NEGR1: variants seen among roughly 807,000 people sequenced by gnomAD.
NEGR1 encodes neuronal growth regulator 1, also known as IgLON family member 4.
NEGR1 carries 10 observed loss-of-function variants against 40.9 expected under a neutral mutation model. That is an observed-to-expected ratio of 0.24 (90% CI 0.15 to 0.42). The LOEUF (loss-of-function observed/expected upper bound fraction) is 0.42. NEGR1 is among the 10% of genes least tolerant of loss of function. NEGR1 has a pLI of 1.00. For synonymous variants in NEGR1, 185 were observed against 166.8 expected (o/e 1.11, Z -0.84); for missense variants, 352 against 438.9 (o/e 0.80, Z 1.77).
At chr1:71,703,224 A>G (rs1653760464) in intron 3 of NEGR1, 1 of 152,176 alleles carries the variant, frequency 6.6e-6, no homozygotes, top group Admixed American at 6.5e-5. Context: ...CCTTAGTTGT[A>G]TGGCTGAATA....
rs537904680 is a variant in NEGR1, at chr1:72,099,873, C to T, written c.177-164562G>A. On this transcript the variant is annotated intron_variant, in intron 1 of 6. Transcript: ENST00000357731. ...AATTTCAATGTATACATTATATATA[C>T]TCTCTCTCTCTCCATATATATATAT... Among the ~76,000 whole-genome samples the T allele has an allele frequency of 6.1e-3, 911 of 150,550 alleles. 13 individuals carry two copies. Among genetic ancestry groups the T allele is most frequent in the African/African-American group, 0.021 (876 of 40,830 alleles).
intron 6 of NEGR1, among the ~76,000 whole-genome samples, chr1:71,522,812 C>G (rs892216271): frequency 6.6e-6 from 1 of 151,314 alleles, no homozygotes; most frequent in Non-Finnish European, 1.5e-5. Flanking sequence ...TCACACGCTC[C>G]TATGTGTGCT....
chr1:71,941,494 T>C (rs946256180), intron 1 of NEGR1, among the ~76,000 whole-genome samples: 1 of 152,154 alleles, frequency 6.6e-6, no homozygotes, highest in African/African-American at 2.4e-5. Flanking sequence ...TAAAATTCTC[T>C]TTTACAACTA....
intron 1 of NEGR1, among the ~76,000 whole-genome samples, chr1:72,247,829 A>G (rs970128515): frequency 6.6e-5 from 10 of 152,178 alleles, no homozygotes; most frequent in African/African-American, 2.2e-4. Flanking sequence ...GAAATACCTG[A>G]GACTGAGTAA....
rs146089013 is a variant in NEGR1, at chr1:71,605,227, T to C, written c.788+5799A>G. Among the ~76,000 whole-genome samples, 396 of 152,312 alleles carry C rather than the reference T, an allele frequency of 2.6e-3. 3 individuals are homozygous for C. The highest frequency in any genetic ancestry group is 8.4e-3 in the African/African-American group (350 of 41,576). ...AATTGACCAATAATAATTTTATATA[T>C]GTATAGGGTATAATGTAGTGTTTTT... On this transcript the variant is annotated intron_variant, in intron 5 of 6. Coordinates refer to ENST00000357731, the MANE Select transcript of NEGR1 (RefSeq NM_173808.3).
intron 6 of NEGR1, among the ~76,000 whole-genome samples, chr1:71,542,064 G>T (rs1238619103): frequency 1.3e-5 from 2 of 151,724 alleles, no homozygotes; most frequent in African/African-American, 4.8e-5. Flanking sequence ...TTACATAATT[G>T]ACACTATTGG....
At chr1:72,070,990 T>C (rs997283870) in intron 1 of NEGR1, among the ~76,000 whole-genome samples, 1 of 152,092 alleles carries the variant, frequency 6.6e-6, no homozygotes, top group Admixed American at 6.6e-5. Context: ...AATCTCTGTT[T>C]GCATTTCTTT....
chr1:71,607,941 C>A (rs921537114), intron 5 of NEGR1, among the ~76,000 whole-genome samples: 1 of 152,166 alleles, frequency 6.6e-6, no homozygotes, highest in South Asian at 2.1e-4. Context: ...CCCGTCTTTG[C>A]CTTCCAAAGT....
intron 6 of NEGR1, among the ~76,000 whole-genome samples, chr1:71,482,317 G>A (rs1371325290): frequency 6.6e-6 from 1 of 151,784 alleles, no homozygotes; most frequent in Non-Finnish European, 1.5e-5. Context: ...CATCTAGCAT[G>A]TATAGAATTT....
intron 3 of NEGR1, among the ~76,000 whole-genome samples, chr1:71,744,451 C>T (rs1289572513): frequency 1.3e-5 from 2 of 151,646 alleles, no homozygotes; most frequent in Non-Finnish European, 2.9e-5. Flanking sequence ...TCCACATATA[C>T]CTATATATCC....
At chr1:72,162,431 A>C (rs1651604246) in intron 1 of NEGR1, among the ~76,000 whole-genome samples, 1 of 152,136 alleles carries the variant, frequency 6.6e-6, no homozygotes, top group Non-Finnish European at 1.5e-5. Context: ...GTGCCACTGC[A>C]CTCCAGCCTA....
rs1214584731 is a variant in NEGR1, at chr1:72,257,338, A to C, written c.176+24981T>G. 5.3e-5 allele frequency among the ~76,000 whole-genome samples: 8 copies of C among 151,278 alleles called. No individual in the cohort carries two copies. In the South Asian group the frequency reaches 1.7e-3, roughly 32 times the overall value. Reference sequence around the variant, plus strand: ...CTCTGTCTCAAAAAAAAAAAAAAAAAAAAAAAGAATAGCACATAACATTTC... The same window carrying C: ...CTCTGTCTCAAAAAAAAAAAAAAAACAAAAAAGAATAGCACATAACATTTC... On this transcript the variant is annotated intron_variant, in intron 1 of 6. Coordinates refer to ENST00000357731, the MANE Select transcript of NEGR1 (RefSeq NM_173808.3).
chr1:72,080,722 A>G (rs1171347166), intron 1 of NEGR1, among the ~76,000 whole-genome samples: 1 of 152,132 alleles, frequency 6.6e-6, no homozygotes, highest in Non-Finnish European at 1.5e-5. Flanking sequence ...AATAAAAATT[A>G]TAAGAGAAAC....
intron 2 of NEGR1, among the ~76,000 whole-genome samples, chr1:71,781,495 A>G (rs1035998286): frequency 6.6e-6 from 1 of 152,180 alleles, no homozygotes; most frequent in African/African-American, 2.4e-5. Context: ...TTAAGCTGTA[A>G]GAGTCCGTGA....
At position 71,935,227 on chromosome 1, in the gene NEGR1, C is replaced by A; in HGVS notation, c.261G>T (p.Val87=). ...ATGTTGAAATTGAAACTCGAGGATCCACTGACCACTTATCACCTCCCGCAA... is the reference window on the plus strand; with the variant it reads ...ATGTTGAAATTGAAACTCGAGGATCAACTGACCACTTATCACCTCCCGCAA... ...IIFAGGDKWS[V]DPRVSISTLN... Residue 87 remains valine, a synonymous_variant, in exon 2 of 7, where the codon GTG becomes GTT. Transcript: ENST00000357731. 1 of 1,613,926 alleles carries A rather than the reference C, an allele frequency of 6.2e-7. No individual in the cohort carries two copies. The highest frequency in any genetic ancestry group is 1.1e-5 in the South Asian group (1 of 91,068).
intron 1 of NEGR1, among the ~76,000 whole-genome samples, chr1:71,981,998 G>A (rs900724519): frequency 2.0e-5 from 3 of 151,994 alleles, no homozygotes; most frequent in Non-Finnish European, 4.4e-5. Context: ...GTCTTGTTTG[G>A]CATTTTTTTG....
chr1:71,819,655 T>G (rs1316705526), intron 2 of NEGR1, among the ~76,000 whole-genome samples: 1 of 151,958 alleles, frequency 6.6e-6, no homozygotes, highest in Non-Finnish European at 1.5e-5. Flanking sequence ...ACTAATTCCA[T>G]AAAATGCTCC....
At chr1:71,443,338 C>T (rs1646560507) in intron 6 of NEGR1, among the ~76,000 whole-genome samples, 1 of 152,150 alleles carries the variant, frequency 6.6e-6, no homozygotes, top group Admixed American at 6.5e-5. Flanking sequence ...TCATAACTGT[C>T]GTAGCCATTA....
At chr1:72,151,565 C>T (rs1348156316) in intron 1 of NEGR1, among the ~76,000 whole-genome samples, 2 of 151,450 alleles carry the variant, frequency 1.3e-5, no homozygotes, top group Non-Finnish European at 3.0e-5. Context: ...ATGGTAAACA[C>T]TTTAAAAGAA....
Sources: allele counts gnomAD v4.1 joint callset (sites outside exome capture counted in the v4.1 genomes callset), GRCh38; gene constraint gnomAD v4.1.1; transcripts MANE v1.5; gene names NCBI Gene and HGNC (gene_info 2026-07-23, HGNC 2026-07-21).